PLK4: variants seen among roughly 807,000 people sequenced by gnomAD.
PLK4 encodes serine/threonine-protein kinase PLK4.
A neutral mutation model predicts 103.0 loss-of-function variants in PLK4; 51 were observed. The observed-to-expected ratio is 0.50, with a 90% confidence interval of 0.40 to 0.63. The LOEUF is 0.63. PLK4 is among the 20% of genes least tolerant of loss of function. The pLI is 0.00. For synonymous variants in PLK4, 389 were observed against 376.8 expected, an observed-to-expected ratio of 1.03 and a Z score of -0.38; for missense variants, 1,054 against 1,151.0, an observed-to-expected ratio of 0.92 and a Z score of 1.22.
intron 2 of PLK4, among the ~76,000 whole-genome samples, chr4:127,882,193 G>A (rs1213875470): frequency 6.6e-6 from 1 of 151,580 alleles, no homozygotes; most frequent in Non-Finnish European, 1.5e-5. Context: ...GGAGTAATGA[G>A]TAGAAATCAA....
chr4:127,895,437 T>C (rs1201825577), intron 14 of PLK4, among the ~76,000 whole-genome samples: 10 of 148,626 alleles, frequency 6.7e-5, no homozygotes, highest in Non-Finnish European at 1.2e-4. Flanking sequence ...TAATCAATAT[T>C]AGTAGAGTAA....
rs147404584 is a variant in PLK4 at position 127,885,434 on chromosome 4, G to A, written c.338-274G>A. ...GCGGAGCTTGCTGTGAGCCGAGATC[G>A]CGCCACTGCACTCCAGCCTGAGGGA... On this transcript the variant is annotated intron_variant, in intron 4 of 15. Transcript: ENST00000270861. Among the ~76,000 whole-genome samples, 177 of 144,712 alleles carry A rather than the reference G, an allele frequency of 1.2e-3. 3 individuals are homozygous for A. The highest frequency in any genetic ancestry group is 4.2e-3 in the African/African-American group (163 of 38,696). 94.9% of individuals were successfully genotyped at this position (144,712 alleles called of 152,430 possible). A position where few individuals can be genotyped will look rare whatever the true frequency, so the allele number is the denominator to read the frequency against.
Position 127,891,660 on chromosome 4 carries a change from T to C in PLK4, c.2017T>C (p.Tyr673His). ...CTCACCTACTGACAACATCAGTAGG[T>C]ACAGCTTTGACAATTTACCAGGTAT... ...PPSPTDNISR[Y>H]SFDNLPEKYW... Residue 673 changes from tyrosine (Y) to histidine (H), a missense_variant, in exon 9 of 16, where the codon TAC (tyrosine) becomes CAC (histidine). By Grantham distance (83) the Tyr-to-His change is moderately conservative (BLOSUM62 2). Transcript: ENST00000270861. 6.7e-7 allele frequency: 1 copy of C among 1,498,048 alleles called. No individual in the cohort carries two copies. The highest frequency in any genetic ancestry group is 9.0e-7 in the Non-Finnish European group (1 of 1,106,622). The allele number at this position is 1,498,048 out of a possible 1,614,324, so 92.8% of individuals were successfully genotyped here.
At chr4:127,887,325 A>G in intron 5 of PLK4, 71 bp from the exon 6 acceptor site, 1 of 784,736 alleles carries the variant, frequency 1.3e-6, no homozygotes, top group Non-Finnish European at 2.1e-6. Flanking sequence ...TCCTTCTCTA[A>G]TATTTTTACC....
Position 127,896,855 on chromosome 4 carries a change from C to T in PLK4, c.2758C>T (p.Gln920Ter). The T allele has an allele frequency of 1.9e-6, 3 of 1,612,158 alleles. No homozygotes were observed. The highest frequency in any genetic ancestry group is 1.1e-5 in the South Asian group (1 of 91,004). Residue 920 changes from glutamine (Q) to a stop codon, truncating the protein, a stop_gained, in exon 15 of 16, where the codon CAG becomes TAG. Transcript: ENST00000270861. LOFTEE classifies it high-confidence loss of function. ...TAATGATGGGTCCCAGTTGGTTGTG[C>T]AGGCAGGAGTGTCTTCTATCAGTTA... is the stretch of plus-strand genomic sequence containing the variant. ...QFNDGSQLVV[Q>*]AGVSSISYTS...
At chr4:127,895,181 T>G (rs1355976837) in intron 14 of PLK4, 88 bp downstream of exon 14, 1 of 870,304 alleles carries the variant, frequency 1.1e-6, no homozygotes, top group Non-Finnish European at 1.7e-6. Context: ...AAATACAAAT[T>G]ATTGTAATGA....
rs397878802 is a variant in PLK4, at chr4:127,885,478, CAA to C, written c.338-210_338-209del. On this transcript the variant is annotated intron_variant, in intron 4 of 15. Transcript: ENST00000270861. ...TGAGGGACACAGCAAGACTCCGTCT[CAA>C]AAAAAAAAAAAAAAAAAAAGGTTAA... Among the ~76,000 whole-genome samples, 144 of 49,828 alleles carry C rather than the reference CAA, an allele frequency of 2.9e-3. 1 individual carries two copies. Among genetic ancestry groups the C allele is most frequent in the African/African-American group, 8.2e-3 (123 of 15,084 alleles). 32.7% of individuals were successfully genotyped at this position (49,828 alleles called of 152,430 possible). A position where few individuals can be genotyped will look rare whatever the true frequency, so the allele number is the denominator to read the frequency against.
rs762722414 is a variant in PLK4, at chr4:127,893,595, T to C, written c.2405T>C (p.Ile802Thr). The change falls in exon 12 of 16, where the codon ATC (isoleucine) becomes ACC (threonine). Residue 802 changes from isoleucine to threonine, a missense_variant. Ile to Thr is a moderately conservative substitution (Grantham distance 89). Around this residue, in one of 4 missense-constraint regions of PLK4, gnomAD observed 167 missense variants for 200.7 expected, o/e 0.83. Coordinates refer to ENST00000270861, the MANE Select transcript of PLK4 (RefSeq NM_014264.5). ...AGGAGTGCTCCCTTTTTCCCAATAA[T>C]CATAGGAAGGTAAATGTCTGAAAAT... is the stretch of plus-strand genomic sequence containing the variant. ...KTRSAPFFPI[I>T]IGRKPGSTSS... 2 of 1,610,042 alleles carry C rather than the reference T, an allele frequency of 1.2e-6. No homozygotes were observed. The highest frequency in any genetic ancestry group is 1.1e-5 in the South Asian group (1 of 90,388).
At chr4:127,895,735 C>G (rs1026708484) in intron 14 of PLK4, among the ~76,000 whole-genome samples, 2 of 151,936 alleles carry the variant, frequency 1.3e-5, no homozygotes, top group African/African-American at 2.4e-5. Context: ...GAGTAACTTT[C>G]ATCTGGCAAA....
chr4:127,898,444 G>C lies in PLK4; in HGVS notation c.2816G>C (p.Gly939Ala). Residue 939 changes from glycine to alanine, a missense_variant, in exon 16 of 16, where the codon GGA becomes GCA. Transcript: ENST00000270861. Reference sequence around the variant, plus strand: ...TTTTCTTTTGCTTCACTTAGGTATGGAGAAAATGAAAAATTACCAGACTAC... The same window carrying C: ...TTTTCTTTTGCTTCACTTAGGTATGCAGAAAATGAAAAATTACCAGACTAC... The part of the protein sequence containing the change: ...TSPNGQTTRY[G>A]ENEKLPDYIK... 2 of 1,477,938 alleles carry C rather than the reference G, an allele frequency of 1.4e-6. No individual in the cohort carries two copies. The highest frequency in any genetic ancestry group is 1.9e-6 in the Non-Finnish European group (2 of 1,063,698). The allele number at this position is 1,477,938 out of a possible 1,614,324, so 91.6% of individuals were successfully genotyped here. A position where few individuals can be genotyped will look rare whatever the true frequency, so the allele number is the denominator to read the frequency against.
In PLK4 at chr4:127,892,303, A is replaced by G. The variant is rs1041975254; in HGVS notation, c.2039-62A>G. 51 of 1,079,092 alleles carry G rather than the reference A, an allele frequency of 4.7e-5. No homozygotes were observed. The African/African-American group carries it at 5.5e-4, about 12-fold the overall frequency. 66.8% of individuals were successfully genotyped at this position (1,079,092 alleles called of 1,614,324 possible). A position where few individuals can be genotyped will look rare whatever the true frequency, so the allele number is the denominator to read the frequency against. The stretch of plus-strand genomic sequence containing the variant: ...AACCCTATTAGAAATCACAATAAAT[A>G]GATAAAACTGTATGTCAGGTCAACA... On this transcript the variant is annotated intron_variant, in intron 9 of 15. Transcript: ENST00000270861.
Position 127,892,345 on chromosome 4 carries a change from T to C in PLK4, c.2039-20T>C. The C allele has an allele frequency of 2.7e-6, 4 of 1,504,262 alleles. No individual in the cohort carries two copies. Among genetic ancestry groups the C allele is most frequent in the Non-Finnish European group, 2.7e-6 (3 of 1,105,582 alleles). The allele number at this position is 1,504,262 out of a possible 1,614,324, so 93.2% of individuals were successfully genotyped here. On this transcript the variant is annotated intron_variant, in intron 9 of 15. Coordinates refer to ENST00000270861, the MANE Select transcript of PLK4 (RefSeq NM_014264.5). ...AGGTCAACACTTTCTTCCCTAATGT[T>C]AAGTATTTTTTTTCCTTAGAAAAAT... is the stretch of plus-strand genomic sequence containing the variant.
chr4:127,881,968 T>C (rs773052247), intron 2 of PLK4, 42 bp downstream of exon 2: 1 of 1,060,006 alleles, frequency 9.4e-7, no homozygotes. Context: ...ACTTTGCAAG[T>C]AACTAGAGAG....
rs1230136128 is a variant in PLK4 at position 127,893,344 on chromosome 4, T to C, written c.2248T>C (p.Tyr750His). The C allele has an allele frequency of 6.2e-7, 1 of 1,606,266 alleles. No individual in the cohort carries two copies. The highest frequency in any genetic ancestry group is 8.5e-7 in the Non-Finnish European group (1 of 1,174,092). Residue 750 changes from tyrosine to histidine, a missense_variant, in exon 11 of 16, where the codon TAC (tyrosine) becomes CAC (histidine). This residue lies in a region of PLK4 where 680 missense variants were observed against 660.3 expected (regional missense o/e 1.03). Coordinates refer to ENST00000270861, the MANE Select transcript of PLK4 (RefSeq NM_014264.5). The part of the protein sequence containing the change: ...IQVIEKTGKS[Y>H]TLKSESEVNS... The stretch of plus-strand genomic sequence containing the variant: ...GGTGATTGAAAAGACAGGGAAGTCT[T>C]ACACTTTAAAAAGTGAAAGTGAAGT...
chr4:127,895,654 C>T (rs1285707952), intron 14 of PLK4, among the ~76,000 whole-genome samples: 1 of 151,630 alleles, frequency 6.6e-6, no homozygotes, highest in Non-Finnish European at 1.5e-5. Flanking sequence ...ATCCCCTGAC[C>T]TTGTGATCTG....
chr4:127,890,758 G>A (rs1329614975), intron 7 of PLK4, among the ~76,000 whole-genome samples: 1 of 151,888 alleles, frequency 6.6e-6, no homozygotes, highest in Non-Finnish European at 1.5e-5. Flanking sequence ...TCTTTATCCT[G>A]TTGTTTGTTC....
Position 127,885,726 on chromosome 4 carries a change from A to G in PLK4, c.356A>G (p.Gln119Arg). ...SENEARHFMH[Q>R]IITGMLYLHS... is the part of the protein sequence containing the mutation. Reference sequence around the variant, plus strand: ...CTAACAGCTCGACACTTCATGCACCAGATCATCACAGGGATGTTGTATCTT... The same window carrying G: ...CTAACAGCTCGACACTTCATGCACCGGATCATCACAGGGATGTTGTATCTT... Residue 119 changes from glutamine (Q) to arginine (R), a missense_variant, in exon 5 of 16, where the codon CAG becomes CGG. Transcript: ENST00000270861. 1.2e-6 allele frequency: 2 copies of G among 1,610,682 alleles called. No homozygotes were observed. Among genetic ancestry groups the G allele is most frequent in the Non-Finnish European group, 1.7e-6 (2 of 1,178,254 alleles).
chr4:127,898,737 T>G lies in PLK4; in HGVS notation c.*196T>G, dbSNP rs1296237370. 7 of 457,848 alleles carry G rather than the reference T, an allele frequency of 1.5e-5. No homozygotes were observed. Among genetic ancestry groups the G allele is most frequent in the Non-Finnish European group, 1.5e-5 (4 of 261,062 alleles). 28.4% of individuals were successfully genotyped at this position (457,848 alleles called of 1,614,324 possible). On this transcript the variant is annotated 3_prime_UTR_variant, in exon 16 of 16. Coordinates refer to ENST00000270861, the MANE Select transcript of PLK4 (RefSeq NM_014264.5). ...AGTCACTTACTAAATATAGTGGATA[T>G]AAAATAGAACACCTGACTTTGCTCT...
At chr4:127,897,157 T>C (rs763267033) in intron 15 of PLK4, among the ~76,000 whole-genome samples, 2 of 152,194 alleles carry the variant, frequency 1.3e-5, no homozygotes. Flanking sequence ...AGCCTTACTG[T>C]TCCATAGTGT....
Sources: allele counts gnomAD v4.1 joint callset (sites outside exome capture counted in the v4.1 genomes callset), GRCh38; gene constraint gnomAD v4.1.1; regional missense constraint gnomAD v4.1.1; transcripts MANE v1.5; gene names NCBI Gene and HGNC (gene_info 2026-07-23, HGNC 2026-07-21).